POMK: variants seen among roughly 807,000 people sequenced by gnomAD.
The protein encoded by POMK is protein O-mannose kinase.
A neutral mutation model predicts 23.0 loss-of-function variants in POMK; 19 were observed. That is an observed-to-expected ratio of 0.83 (90% CI 0.58 to 1.21). The LOEUF (loss-of-function observed/expected upper bound fraction) is 1.21. Ranked by LOEUF, POMK falls within the 50% of genes most tolerant of loss-of-function variation. POMK has a pLI of 0.00. For synonymous variants in POMK, 173 were observed against 171.6 expected (o/e 1.01, Z -0.06); for missense variants, 410 against 431.3 (o/e 0.95, Z 0.44).
chr8:43,097,906 T>C (rs973720938), intron 2 of POMK, among the ~76,000 whole-genome samples: 3 of 152,084 alleles, frequency 2.0e-5, no homozygotes, highest in African/African-American at 7.2e-5. Flanking sequence ...GAGCAAAGCA[T>C]AGGAGAGACC....
intron 4 of POMK, among the ~76,000 whole-genome samples, chr8:43,112,004 G>C (rs1811679114): frequency 6.6e-6 from 1 of 152,182 alleles, no homozygotes; most frequent in African/African-American, 2.4e-5. Context: ...CTAAAAATCA[G>C]AGCGCCTCTC....
Position 43,114,693 on chromosome 8 carries a change from T to A in POMK, c.283-7414T>A, listed in dbSNP as rs564606153. Among the ~76,000 whole-genome samples, 31 of 152,350 alleles carry A rather than the reference T, an allele frequency of 2.0e-4. No homozygotes were observed. In the East Asian group the frequency reaches 5.4e-3, roughly 27 times the overall value. On this transcript the variant is annotated intron_variant, in intron 4 of 4. Coordinates refer to ENST00000331373, the MANE Select transcript of POMK (RefSeq NM_032237.5). ...CAGATGGAAATGCAGAAATCACCTG[T>A]CTTCTGCGTCGCTCACGCTGGGAGC...
intron 4 of POMK, among the ~76,000 whole-genome samples, chr8:43,114,630 ACTGT>A (rs1054153382): frequency 1.3e-5 from 2 of 152,176 alleles, no homozygotes; most frequent in African/African-American, 4.8e-5. Context: ...TCCTGCACCC[ACTGT>A]CTGGCACTCC....
At chr8:43,114,321 C>A (rs1811747295) in intron 4 of POMK, among the ~76,000 whole-genome samples, 2 of 152,212 alleles carry the variant, frequency 1.3e-5, no homozygotes, top group Admixed American at 6.5e-5. Flanking sequence ...ATGGCGGGCA[C>A]CCCTCCCCCA....
intron 4 of POMK, among the ~76,000 whole-genome samples, chr8:43,114,015 C>T (rs530897692): frequency 6.6e-6 from 1 of 152,312 alleles, no homozygotes; most frequent in South Asian, 2.1e-4. Context: ...TGTCAGTCTG[C>T]CCCTACTGGG....
At chr8:43,102,794 A>G (rs996161063) in intron 3 of POMK, among the ~76,000 whole-genome samples, 194 bp downstream of exon 3, 2 of 152,214 alleles carry the variant, frequency 1.3e-5, no homozygotes, top group African/African-American at 4.8e-5. Flanking sequence ...CTCCGCAGCC[A>G]GGCCCCTCCA....
chr8:43,122,546 T>C lies in POMK; in HGVS notation c.722T>C (p.Leu241Pro). 6.2e-7 allele frequency: 1 copy of C among 1,614,190 alleles called. No homozygotes were observed. The highest frequency in any genetic ancestry group is 8.5e-7 in the Non-Finnish European group (1 of 1,180,038). Reference sequence around the variant, plus strand: ...CTGGTGAACCACAGCTCCGGGATGCTGGTGAAGTGCGGCCACAGGGAGCTG... The same window carrying C: ...CTGGTGAACCACAGCTCCGGGATGCCGGTGAAGTGCGGCCACAGGGAGCTG... ...LPLVNHSSGM[L>P]VKCGHRELHG... The change falls in exon 5 of 5, where the codon CTG becomes CCG. Residue 241 changes from leucine to proline, a missense_variant. Physicochemically the swap from Leu to Pro is moderately conservative, Grantham distance 98 (BLOSUM62 -3). Coordinates refer to ENST00000331373, the MANE Select transcript of POMK (RefSeq NM_032237.5).
intron 4 of POMK, among the ~76,000 whole-genome samples, chr8:43,120,448 T>C (rs1486144606): frequency 3.3e-5 from 5 of 152,074 alleles, no homozygotes; most frequent in Admixed American, 2.0e-4. Context: ...CTCCAACTCC[T>C]GACCTCAGGT....
At chr8:43,103,952 C>A in intron 4 of POMK, 122 bp downstream of exon 4, 1 of 985,036 alleles carries the variant, frequency 1.0e-6, no homozygotes, top group African/African-American at 1.6e-5. Flanking sequence ...CCAAAGTGTA[C>A]TCCATTGCAT....
intron 4 of POMK, among the ~76,000 whole-genome samples, chr8:43,113,434 G>C (rs919909234): frequency 5.3e-5 from 8 of 152,114 alleles, no homozygotes; most frequent in African/African-American, 9.7e-5. Context: ...TCTTCATGTA[G>C]TTCTCGAGCC....
intron 2 of POMK, among the ~76,000 whole-genome samples, chr8:43,101,418 A>C (rs1470491608): frequency 3.0e-4 from 36 of 119,234 alleles, no homozygotes; most frequent in African/African-American, 1.1e-3. Context: ...ACCCTATGTC[A>C]AAAAAAAAAA....
chr8:43,108,852 A>G (rs1471707832), intron 4 of POMK, among the ~76,000 whole-genome samples: 1 of 152,240 alleles, frequency 6.6e-6, no homozygotes, highest in South Asian at 2.1e-4. Context: ...CAAAGACACA[A>G]TTAACAAGGA....
At position 43,122,521 on chromosome 8, in the gene POMK, CT is replaced by C. The variant is rs1811941899; in HGVS notation, c.698del (p.Leu233ArgfsTer2). 1.9e-6 allele frequency: 3 copies of C among 1,614,008 alleles called. No homozygotes were observed. The highest frequency in any genetic ancestry group is 1.7e-6 in the Non-Finnish European group (2 of 1,180,034). ...ILANDLDALP[L>X]VNHSSGMLVK... ...GGCAAATGACTTGGACGCCTTACCC[CT>C]GGTGAACCACAGCTCCGGGATGCTG... On this transcript the variant is annotated frameshift_variant, in exon 5 of 5. Transcript: ENST00000331373. LOFTEE classifies it high-confidence loss of function.
At position 43,102,304 on chromosome 8, in the gene POMK, A is replaced by G. The variant is rs373113547; in HGVS notation, c.-117-201A>G. On this transcript the variant is annotated intron_variant, in intron 2 of 4. Coordinates refer to ENST00000331373, the MANE Select transcript of POMK (RefSeq NM_032237.5). ...AGCTGGAAGTCAGTGATGGAGAAGAAGAGAGCAGACTGGGACAGAGAGACT... is the reference window on the plus strand; with the variant it reads ...AGCTGGAAGTCAGTGATGGAGAAGAGGAGAGCAGACTGGGACAGAGAGACT... 2.6e-5 allele frequency among the ~76,000 whole-genome samples: 4 copies of G among 152,328 alleles called. No homozygotes were observed. The South Asian group carries it at 8.3e-4, about 32-fold the overall frequency.
At chr8:43,116,153 G>C (rs1328716502) in intron 4 of POMK, among the ~76,000 whole-genome samples, 1 of 152,208 alleles carries the variant, frequency 6.6e-6, no homozygotes, top group African/African-American at 2.4e-5. Context: ...TTCATTGTTT[G>C]CCTACTGCAC....
Position 43,095,375 on chromosome 8 carries a change from G to T in POMK, c.-210+1812G>T, listed in dbSNP as rs531115220. ...TTTTTATTTGTTTTGTTTTGGTTTG[G>T]TTTGGTTTGTTTTTGCCGAGAGAGG... On this transcript the variant is annotated intron_variant, in intron 1 of 4. Coordinates refer to ENST00000331373, the MANE Select transcript of POMK (RefSeq NM_032237.5). 1.3e-3 allele frequency among the ~76,000 whole-genome samples: 202 copies of T among 152,256 alleles called. 1 individual carries two copies. The highest frequency in any genetic ancestry group is 0.011 in the South Asian group (53 of 4,818).
intron 2 of POMK, among the ~76,000 whole-genome samples, chr8:43,100,084 C>T (rs1457200139): frequency 6.6e-6 from 1 of 152,116 alleles, no homozygotes; most frequent in African/African-American, 2.4e-5. Context: ...TCCTTCGGGG[C>T]CTCTCTGACC....
chr8:43,096,491 C>T (rs996065115), intron 1 of POMK, among the ~76,000 whole-genome samples: 6 of 152,014 alleles, frequency 3.9e-5, no homozygotes, highest in Non-Finnish European at 7.4e-5. Context: ...GAAACTCCGT[C>T]TCTATTAAAA....
intron 2 of POMK, among the ~76,000 whole-genome samples, chr8:43,098,214 A>G (rs1431463875): frequency 1.3e-5 from 2 of 152,226 alleles, no homozygotes; most frequent in Non-Finnish European, 2.9e-5. Flanking sequence ...TACAATCATC[A>G]TCACTGTCTA....
Sources: allele counts gnomAD v4.1 joint callset (sites outside exome capture counted in the v4.1 genomes callset), GRCh38; gene constraint gnomAD v4.1.1; transcripts MANE v1.5; gene names NCBI Gene and HGNC (gene_info 2026-07-23, HGNC 2026-07-21).